The following LIN54 variants were observed in gnomAD, a reference collection of about 807,000 sequenced individuals.
The protein encoded by LIN54 is lin-54 DREAM MuvB core complex component.
Under a neutral mutation model 78.7 loss-of-function variants are expected in LIN54, and 9 were observed. That is an observed-to-expected ratio of 0.11 (90% CI 0.07 to 0.20). LIN54 has a LOEUF of 0.20. Among genes scored for constraint, LIN54 ranks in the 10% least tolerant of loss-of-function variants. LIN54 has a pLI of 1.00. For missense variants in LIN54, 573 were observed against 889.9 expected, an observed-to-expected ratio of 0.64 and a Z score of 4.53; for synonymous variants, 269 against 318.4, an observed-to-expected ratio of 0.84 and a Z score of 1.65.
chr4:82,976,203 T>G (rs1726149032), intron 3 of LIN54, among the ~76,000 whole-genome samples: 1 of 152,196 alleles, frequency 6.6e-6, no homozygotes, highest in Non-Finnish European at 1.5e-5. Flanking sequence ...AGCACTGGCA[T>G]TTGAACTTAA....
intron 3 of LIN54, among the ~76,000 whole-genome samples, chr4:82,971,164 T>C (rs1038817510): frequency 6.6e-6 from 1 of 152,136 alleles, no homozygotes; most frequent in Non-Finnish European, 1.5e-5. Flanking sequence ...ACATAACAGA[T>C]CTTCAAATTC....
intron 4 of LIN54, among the ~76,000 whole-genome samples, chr4:82,963,834 A>T (rs1254195251): frequency 6.6e-6 from 1 of 152,198 alleles, no homozygotes; most frequent in Admixed American, 6.5e-5. Context: ...TGCAAGATTT[A>T]AATCCAATCA....
At chr4:82,991,960 GATA>G (rs1234560991) in intron 1 of LIN54, among the ~76,000 whole-genome samples, 1 of 152,122 alleles carries the variant, frequency 6.6e-6, no homozygotes, top group Non-Finnish European at 1.5e-5. Flanking sequence ...TCTGCCTGGA[GATA>G]ATGCTAGCCT....
upstream of LIN54, among the ~76,000 whole-genome samples, chr4:83,012,266 G>A (rs1303271474): frequency 6.6e-6 from 1 of 152,032 alleles, no homozygotes; most frequent in Non-Finnish European, 1.5e-5. Flanking sequence ...CGTGCACCTC[G>A]GGAACATTAT....
chr4:82,968,073 G>A (rs752629726), intron 4 of LIN54, among the ~76,000 whole-genome samples: 17 of 149,300 alleles, frequency 1.1e-4, no homozygotes, highest in Non-Finnish European at 1.9e-4. Flanking sequence ...CAAGAGTTTC[G>A]CTTTTGTTGC....
intron 1 of LIN54, among the ~76,000 whole-genome samples, chr4:82,999,891 TTTTTG>T (rs1428181466): frequency 3.3e-5 from 5 of 151,790 alleles, no homozygotes; most frequent in African/African-American, 1.2e-4. Context: ...CCAAACAGGT[TTTTTG>T]TTTTGTTGTT....
chr4:83,011,029 G>A (rs1729830313), upstream of LIN54, among the ~76,000 whole-genome samples: 1 of 152,204 alleles, frequency 6.6e-6, no homozygotes, highest in Non-Finnish European at 1.5e-5. Context: ...CCACCTGCGG[G>A]GTCCCAAGTC....
chr4:82,974,054 CA>C (rs1326402575), intron 3 of LIN54, among the ~76,000 whole-genome samples: 10 of 150,734 alleles, frequency 6.6e-5, no homozygotes, highest in Admixed American at 6.6e-5. Flanking sequence ...ACTAAAAATA[CA>C]AAAAATTAGC....
chr4:82,935,158 C>A (rs1722293516), intron 11 of LIN54, among the ~76,000 whole-genome samples: 2 of 151,828 alleles, frequency 1.3e-5, no homozygotes, highest in East Asian at 1.9e-4. Context: ...CTTTGGTTTT[C>A]CGCAGAGCAG....
At chr4:82,931,260 T>C (rs922023779) in intron 11 of LIN54, 115 bp from the exon 12 acceptor site, 4 of 751,124 alleles carry the variant, frequency 5.3e-6, no homozygotes, top group Non-Finnish European at 8.9e-6. Context: ...GATAATAAGA[T>C]TAGATGGAAG....
At chr4:83,000,391 C>T (rs1287001910) in intron 1 of LIN54, among the ~76,000 whole-genome samples, 1 of 152,122 alleles carries the variant, frequency 6.6e-6, no homozygotes, top group African/African-American at 2.4e-5. Context: ...AACCCTGAGC[C>T]TTGAAGGGAA....
intron 1 of LIN54, among the ~76,000 whole-genome samples, chr4:82,986,702 CAAAAAAAAAAAA>C (rs70943178): frequency 7.3e-5 from 5 of 68,732 alleles, no homozygotes; most frequent in African/African-American, 2.3e-4. Flanking sequence ...GACCCCATCT[CAAAAAAAAAAAA>C]AAAAAAAAAA....
In LIN54 at chr4:82,935,937, A is replaced by G. The variant is rs1722361269; in HGVS notation, c.1845+44T>C. 9 of 1,595,302 alleles carry G rather than the reference A, an allele frequency of 5.6e-6. No homozygotes were observed. In the East Asian group the frequency reaches 2.0e-4, roughly 36 times the overall value. ...AAATTTTTGTAGTAGGTCCTTTCTA[A>G]AACTGTTTTTAAAAGATATTATTTT... On this transcript the variant is annotated intron_variant, in intron 11 of 12. Transcript: ENST00000340417.
chr4:82,933,979 G>A (rs940092868), intron 11 of LIN54, among the ~76,000 whole-genome samples: 10 of 151,992 alleles, frequency 6.6e-5, no homozygotes, highest in African/African-American at 2.2e-4. Context: ...TTACATATTC[G>A]TGACAATTTT....
At chr4:82,955,518 A>G (rs751489238) in intron 4 of LIN54, among the ~76,000 whole-genome samples, 26 of 152,218 alleles carry the variant, frequency 1.7e-4, no homozygotes, top group Non-Finnish European at 3.2e-4. Context: ...GAGAAATATC[A>G]ATCATTTCCA....
At chr4:83,002,396 GA>G (rs1162020671) in intron 1 of LIN54, among the ~76,000 whole-genome samples, 1 of 137,596 alleles carries the variant, frequency 7.3e-6, no homozygotes, top group Non-Finnish European at 1.6e-5. Flanking sequence ...AGGGAGGAAG[GA>G]AGGAAGGAGG....
Position 82,924,756 on chromosome 4 carries a change from T to A in LIN54, c.*3346A>T, listed in dbSNP as rs893833129. 1 of 152,164 alleles carries A rather than the reference T, an allele frequency of 6.6e-6. No homozygotes were observed. The highest frequency in any genetic ancestry group is 2.4e-5 in the African/African-American group (1 of 41,418). 9.4% of individuals were successfully genotyped at this position (152,164 alleles called of 1,614,324 possible). ...CCTAACAAGAAAAGCCTGAAGTAAT[T>A]TACATGATGAAAATAACTCCAATAG... is the stretch of plus-strand genomic sequence containing the variant. On this transcript the variant is annotated 3_prime_UTR_variant, in exon 13 of 13. Coordinates refer to ENST00000340417, the MANE Select transcript of LIN54 (RefSeq NM_194282.4).
intron 3 of LIN54, among the ~76,000 whole-genome samples, chr4:82,975,214 C>T (rs1490250260): frequency 6.6e-6 from 1 of 150,448 alleles, no homozygotes; most frequent in African/African-American, 2.4e-5. Flanking sequence ...AAAAATTAGC[C>T]GGATGTGGTG....
chr4:82,928,011 A>G lies in LIN54; in HGVS notation c.*91T>C. 1 of 1,060,194 alleles carries G rather than the reference A, an allele frequency of 9.4e-7. No homozygotes were observed. The highest frequency in any genetic ancestry group is 1.4e-6 in the Non-Finnish European group (1 of 694,300). The allele number at this position is 1,060,194 out of a possible 1,614,324, so 65.7% of individuals were successfully genotyped here. A position where few individuals can be genotyped will look rare whatever the true frequency, so the allele number is the denominator to read the frequency against. On this transcript the variant is annotated 3_prime_UTR_variant, in exon 13 of 13. Transcript: ENST00000340417. ...TCTTTTAAAACAAGGACTGAATTAA[A>G]ATACAGTAATTGTTTTTCTTCCAGA...
Sources: allele counts gnomAD v4.1 joint callset (sites outside exome capture counted in the v4.1 genomes callset), GRCh38; gene constraint gnomAD v4.1.1; transcripts MANE v1.5; gene names NCBI Gene and HGNC (gene_info 2026-07-23, HGNC 2026-07-21).